The following ITPR1 variants were observed in gnomAD, a reference collection of about 807,000 sequenced individuals.
ITPR1 encodes the protein inositol 1,4,5-trisphosphate receptor type 1, also known as inositol 1,4,5-trisphosphate-gated calcium channel ITPR1.
Under a neutral mutation model 318.4 loss-of-function variants are expected in ITPR1, and 96 were observed. The observed-to-expected ratio is 0.30, with a 90% confidence interval of 0.26 to 0.36. The LOEUF (loss-of-function observed/expected upper bound fraction) is 0.36. ITPR1 is among the 10% of genes least tolerant of loss of function. The pLI is 1.00. For synonymous variants in ITPR1, 1,312 were observed against 1,289.9 expected (o/e 1.02, Z -0.37); for missense variants, 2,440 against 3,460.2 (o/e 0.71, Z 7.40).
chr3:4,740,189 C>T (rs893976799), intron 44 of ITPR1, among the ~76,000 whole-genome samples: 2 of 152,110 alleles, frequency 1.3e-5, no homozygotes, highest in African/African-American at 4.8e-5. Context: ...TCCTCACCAC[C>T]ACCCCCATTA....
chr3:4,503,815 C>T (rs1034633905), intron 2 of ITPR1, among the ~76,000 whole-genome samples: 2 of 152,122 alleles, frequency 1.3e-5, no homozygotes, highest in African/African-American at 2.4e-5. Context: ...AGGATATTGA[C>T]CTAACTTCAT....
chr3:4,573,949 A>T (rs928298047), intron 4 of ITPR1, among the ~76,000 whole-genome samples: 1 of 152,228 alleles, frequency 6.6e-6, no homozygotes, highest in African/African-American at 2.4e-5. Flanking sequence ...AGAATGTCTG[A>T]TACTGAAAAG....
intron 2 of ITPR1, among the ~76,000 whole-genome samples, chr3:4,498,643 G>A (rs1446210732): frequency 1.3e-5 from 2 of 152,202 alleles, no homozygotes; most frequent in African/African-American, 4.8e-5. Context: ...GAACTCGATA[G>A]GGGGTAAAAC....
chr3:4,499,038 C>T (rs1377340121), intron 2 of ITPR1, among the ~76,000 whole-genome samples: 5 of 152,176 alleles, frequency 3.3e-5, no homozygotes, highest in African/African-American at 9.7e-5. Context: ...ACCTTGGACT[C>T]GGCTACTCAG....
At chr3:4,782,076 A>T (rs1280977010) in intron 49 of ITPR1, among the ~76,000 whole-genome samples, 3 of 152,234 alleles carry the variant, frequency 2.0e-5, no homozygotes, top group East Asian at 3.8e-4. Context: ...AGTCCTTGGC[A>T]CATAGTAAGT....
chr3:4,631,943 C>A (rs570876418), intron 5 of ITPR1, among the ~76,000 whole-genome samples: 1 of 152,158 alleles, frequency 6.6e-6, no homozygotes, highest in Non-Finnish European at 1.5e-5. Context: ...TGGACTACTG[C>A]GCCCAGCCGA....
chr3:4,813,094 C>T (rs534332813), intron 56 of ITPR1, 48 bp from the exon 57 acceptor site: 1 of 1,396,416 alleles, frequency 7.2e-7, no homozygotes, highest in African/African-American at 1.4e-5. Context: ...AACATTTTAA[C>T]CATATGCTGC....
At chr3:4,665,017 T>G in intron 16 of ITPR1, 121 bp from the exon 17 acceptor site, 1 of 996,388 alleles carries the variant, frequency 1.0e-6, no homozygotes, top group Non-Finnish European at 1.6e-6. Flanking sequence ...TATGGATGTG[T>G]TGGGATAGAG....
Position 4,673,293 on chromosome 3 carries a change from C to T in ITPR1, c.2362C>T (p.His788Tyr). The T allele has an allele frequency of 6.2e-7, 1 of 1,614,002 alleles. No individual in the cohort carries two copies. Among genetic ancestry groups the T allele is most frequent in the Non-Finnish European group, 8.5e-7 (1 of 1,179,870 alleles). ...LRASFCRLML[H>Y]MHVDRDPQEQ... ...GGCGTCCTTCTGCCGCCTCATGCTT[C>T]ACATGCATGTGGACCGAGATCCCCA... is the stretch of plus-strand genomic sequence containing the variant. The change falls in exon 21 of 62, where the codon CAC (histidine) becomes TAC (tyrosine). Residue 788 changes from histidine to tyrosine, a missense_variant. Physicochemically the swap from His to Tyr is moderately conservative, Grantham distance 83. This residue lies in a region of ITPR1 where 478 missense variants were observed against 696.3 expected (regional missense o/e 0.69). Transcript: ENST00000649015.
chr3:4,736,945 G>T (rs535778471), intron 44 of ITPR1, among the ~76,000 whole-genome samples: 1 of 152,224 alleles, frequency 6.6e-6, no homozygotes, highest in African/African-American at 2.4e-5. Flanking sequence ...TCCAGGCATA[G>T]TCAAGTGTGG....
chr3:4,763,137 T>C (rs2045567929), intron 44 of ITPR1, among the ~76,000 whole-genome samples: 14 of 152,062 alleles, frequency 9.2e-5, no homozygotes, highest in Admixed American at 9.2e-4. Flanking sequence ...CATTTACAAG[T>C]ATGAGCTGAA....
chr3:4,546,805 A>G (rs903159034), intron 4 of ITPR1, among the ~76,000 whole-genome samples: 16 of 138,944 alleles, frequency 1.2e-4, no homozygotes, highest in African/African-American at 4.3e-4. Flanking sequence ...CTTGTGCTGC[A>G]TTCTGATGAA....
chr3:4,572,828 G>A (rs1428104522), intron 4 of ITPR1, among the ~76,000 whole-genome samples: 1 of 152,132 alleles, frequency 6.6e-6, no homozygotes, highest in Non-Finnish European at 1.5e-5. Context: ...TCATATAACT[G>A]GAGTCATATT....
intron 54 of ITPR1, among the ~76,000 whole-genome samples, chr3:4,803,111 T>C (rs958835755): frequency 1.3e-5 from 2 of 152,166 alleles, no homozygotes; most frequent in Non-Finnish European, 2.9e-5. Context: ...AGCAGCAAAG[T>C]TGGAGCTGGA....
chr3:4,684,362 A>G lies in ITPR1; in HGVS notation c.3564+16A>G. ...GGTCAAAGAGGTAAGCTCCTCCCCC[A>G]CCACCATTTTTCCTTTCTTTATGAA... On this transcript the variant is annotated intron_variant, in intron 29 of 61. Coordinates refer to ENST00000649015, the MANE Select transcript of ITPR1 (RefSeq NM_001378452.1). 1 of 1,585,448 alleles carries G rather than the reference A, an allele frequency of 6.3e-7. No homozygotes were observed. The highest frequency in any genetic ancestry group is 1.1e-5 in the South Asian group (1 of 89,588).
chr3:4,837,483 A>C (rs1400467069), intron 61 of ITPR1, among the ~76,000 whole-genome samples: 1 of 152,048 alleles, frequency 6.6e-6, no homozygotes, highest in African/African-American at 2.4e-5. Flanking sequence ...AACAGTGAAC[A>C]ATATAGACAT....
At chr3:4,555,926 C>G (rs760440050) in intron 4 of ITPR1, among the ~76,000 whole-genome samples, 1 of 152,078 alleles carries the variant, frequency 6.6e-6, no homozygotes, top group South Asian at 2.1e-4. Flanking sequence ...TCATATGGCT[C>G]GAAGTCAGGA....
chr3:4,562,817 GC>G (rs1373328789), intron 4 of ITPR1, among the ~76,000 whole-genome samples: 3 of 151,922 alleles, frequency 2.0e-5, no homozygotes, highest in Non-Finnish European at 4.4e-5. Context: ...TGTAGTCTCT[GC>G]CCCCATAGAA....
At chr3:4,808,846 A>T (rs1055700334) in intron 55 of ITPR1, among the ~76,000 whole-genome samples, 1 of 151,984 alleles carries the variant, frequency 6.6e-6, no homozygotes, top group Admixed American at 6.6e-5. Flanking sequence ...TGGTGGCCTA[A>T]TTAAACTGCT....
Sources: gnomAD v4.1 joint callset for allele counts (sites outside exome capture counted in the v4.1 genomes callset) on GRCh38, gnomAD v4.1.1 for gene constraint, gnomAD v4.1.1 regional missense constraint, MANE v1.5 for transcripts, NCBI Gene and HGNC (gene_info 2026-07-23, HGNC 2026-07-21) for gene names.